DAB1: variants seen among roughly 807,000 people sequenced by gnomAD.
DAB1 encodes disabled homolog 1.
In DAB1, 15 loss-of-function variants were observed where a neutral mutation model predicts 64.6. That is an observed-to-expected ratio of 0.23 (90% CI 0.16 to 0.36). DAB1 has a LOEUF of 0.36. Ranked by LOEUF, DAB1 falls within the 10% of genes least tolerant of loss-of-function variation. The pLI is 1.00. For synonymous variants in DAB1, 235 were observed against 251.9 expected (o/e 0.93, Z 0.64); for missense variants, 596 against 706.7 (o/e 0.84, Z 1.78).
rs1313957251 is a variant in DAB1 at position 57,727,278 on chromosome 1, G to A, written n.552-77613C>T. ...GCTATTTTCAAGAGATGTCAGGCAG[G>A]CCTAACTGCTCCACTGAGAAGTTTC... On this transcript the variant is annotated intron_variant and non_coding_transcript_variant, in intron 6 of 20. Coordinates refer to the DAB1 transcript ENST00000485760. Among the ~76,000 whole-genome samples the A allele has an allele frequency of 2.0e-5, 3 of 152,308 alleles. No individual in the cohort carries two copies. The East Asian group carries it at 5.8e-4, about 29-fold the overall frequency.
intron 7 of DAB1, among the ~76,000 whole-genome samples, chr1:57,456,674 G>A (rs1686605401): frequency 6.6e-6 from 1 of 152,030 alleles, no homozygotes; most frequent in Non-Finnish European, 1.5e-5. Context: ...GTAACAAAAA[G>A]TATTTAAGAT....
intron 2 of DAB1, among the ~76,000 whole-genome samples, chr1:57,167,308 A>T (rs1661290653): frequency 6.6e-6 from 1 of 152,198 alleles, no homozygotes; most frequent in South Asian, 2.1e-4. Flanking sequence ...GGAATTATTT[A>T]CTCCAATAGT....
intron 3 of DAB1, among the ~76,000 whole-genome samples, chr1:58,346,406 T>C (rs1643997817): frequency 6.6e-6 from 1 of 152,242 alleles, no homozygotes; most frequent in African/African-American, 2.4e-5. Flanking sequence ...GCTGTAAAAA[T>C]GACTTTGAGG....
chr1:57,770,458 T>C (rs940356348), intron 6 of DAB1, among the ~76,000 whole-genome samples: 1 of 151,918 alleles, frequency 6.6e-6, no homozygotes, highest in Non-Finnish European at 1.5e-5. Context: ...TGTAGGGATG[T>C]GGTCTTGCTA....
chr1:57,255,211 C>T (rs1669674067), intron 2 of DAB1, among the ~76,000 whole-genome samples: 1 of 152,160 alleles, frequency 6.6e-6, no homozygotes, highest in Non-Finnish European at 1.5e-5. Flanking sequence ...CAGAAGCAGG[C>T]TCCATAACAA....
rs1467971474 is a variant in DAB1 at position 58,358,203 on chromosome 1, T to C, written n.258-14800A>G. Among the ~76,000 whole-genome samples, 6 of 152,114 alleles carry C rather than the reference T, an allele frequency of 3.9e-5. No homozygotes were observed. The South Asian group carries it at 1.0e-3, about 26-fold the overall frequency. On this transcript the variant is annotated intron_variant and non_coding_transcript_variant, in intron 3 of 20. Transcript: ENST00000485760. ...GGAGCAGGAAAATGTGGGGATAGGA[T>C]GTTTTGGCTAAGCTTGACCTTGGGG...
chr1:58,349,062 ACTTACT>A (rs1223466928), intron 3 of DAB1, among the ~76,000 whole-genome samples: 1 of 152,094 alleles, frequency 6.6e-6, no homozygotes, highest in African/African-American at 2.4e-5. Flanking sequence ...GTCTTTGAAA[ACTTACT>A]CTGACCCTAT....
At chr1:57,038,413 A>G (rs918394644) in intron 9 of DAB1, among the ~76,000 whole-genome samples, 1 of 152,220 alleles carries the variant, frequency 6.6e-6, no homozygotes, top group African/African-American at 2.4e-5. Context: ...ATTAGAACTG[A>G]AACAAAATGG....
chr1:57,434,763 C>T (rs981002780), intron 7 of DAB1, among the ~76,000 whole-genome samples: 2 of 152,132 alleles, frequency 1.3e-5, no homozygotes, highest in African/African-American at 4.8e-5. Context: ...GTATTGAATA[C>T]TGTAGGCAAT....
In DAB1 at chr1:57,695,409, AAAGAAAGAAAG is replaced by A. The variant is rs1432482396; in HGVS notation, n.552-45755_552-45745del. Reference sequence around the variant, plus strand: ...GAAAGAAAGAAAGAAAGAAAGAAAGAAAGAAAGAAAGAAAGAAAGAAAGAAAAAAGAAGAAA... The same window carrying A: ...GAAAGAAAGAAAGAAAGAAAGAAAGAAAAGAAAGAAAGAAAAAAGAAGAAA... On this transcript the variant is annotated intron_variant and non_coding_transcript_variant, in intron 6 of 20. Transcript: ENST00000485760. Among the ~76,000 whole-genome samples the A allele has an allele frequency of 1.2e-3, 163 of 136,932 alleles. 8 individuals carry two copies. Among genetic ancestry groups the A allele is most frequent in the African/African-American group, 4.6e-3 (163 of 35,416 alleles). The allele number at this position is 136,932 out of a possible 152,430, so 89.8% of individuals were successfully genotyped here. A position where few individuals can be genotyped will look rare whatever the true frequency, so the allele number is the denominator to read the frequency against.
chr1:57,292,034 A>G (rs189249424), intron 1 of DAB1, among the ~76,000 whole-genome samples: 1 of 152,320 alleles, frequency 6.6e-6, no homozygotes, highest in East Asian at 1.9e-4. Context: ...GTTATATCTG[A>G]GAGTTCTATT....
intron 7 of DAB1, among the ~76,000 whole-genome samples, chr1:57,531,319 A>G (rs528292149): frequency 6.6e-6 from 1 of 152,086 alleles, no homozygotes; most frequent in East Asian, 1.9e-4. Context: ...ACCCACTTTG[A>G]TTGTAATTTT....
At chr1:58,366,191 T>G (rs567508807) in intron 3 of DAB1, among the ~76,000 whole-genome samples, 73 of 152,308 alleles carry the variant, frequency 4.8e-4, no homozygotes, top group African/African-American at 1.7e-3. Flanking sequence ...CAGTGACCGA[T>G]ATCTCATTCT....
chr1:58,330,277 C>T (rs1662939516), intron 4 of DAB1, among the ~76,000 whole-genome samples: 1 of 152,212 alleles, frequency 6.6e-6, no homozygotes, highest in Admixed American at 6.5e-5. Context: ...AGCCCCAACT[C>T]TTCCTCAATT....
At chr1:57,699,140 T>C (rs998769918) in intron 6 of DAB1, among the ~76,000 whole-genome samples, 2 of 152,132 alleles carry the variant, frequency 1.3e-5, no homozygotes, top group Non-Finnish European at 2.9e-5. Flanking sequence ...GGGGTATCAC[T>C]ATATTGTCCA....
intron 4 of DAB1, among the ~76,000 whole-genome samples, chr1:58,171,399 C>A (rs1185477284): frequency 2.6e-5 from 4 of 152,128 alleles, no homozygotes; most frequent in African/African-American, 9.7e-5. Context: ...TGCAGCAGTC[C>A]CTGCAACACT....
chr1:58,157,559 C>T (rs1447320647), intron 4 of DAB1, among the ~76,000 whole-genome samples: 1 of 152,088 alleles, frequency 6.6e-6, no homozygotes, highest in East Asian at 1.9e-4. Flanking sequence ...ACAGGCACCA[C>T]GATGCCTTGT....
intron 1 of DAB1, among the ~76,000 whole-genome samples, chr1:57,351,052 C>A (rs1015034822): frequency 6.6e-6 from 1 of 152,176 alleles, no homozygotes; most frequent in Non-Finnish European, 1.5e-5. Context: ...GGGCACTGTG[C>A]CACTTGTTTC....
At chr1:57,854,582 C>A (rs970861040) in intron 1 of DAB1, among the ~76,000 whole-genome samples, 1 of 152,210 alleles carries the variant, frequency 6.6e-6, no homozygotes, top group African/African-American at 2.4e-5. Context: ...ACACGATAAT[C>A]TTGGATTTGA....
Sources: allele counts gnomAD v4.1 joint callset (sites outside exome capture counted in the v4.1 genomes callset), GRCh38; gene constraint gnomAD v4.1.1; transcripts MANE v1.5; gene names NCBI Gene and HGNC (gene_info 2026-07-23, HGNC 2026-07-21).